The following CCSER2 variants were observed in gnomAD, a reference collection of about 807,000 sequenced individuals.
The protein encoded by CCSER2 is coiled-coil serine rich protein 2.
In CCSER2, 46 loss-of-function variants were observed where a neutral mutation model predicts 92.3. That is an observed-to-expected ratio of 0.50 (90% confidence interval 0.39 to 0.64). CCSER2 has a LOEUF of 0.64. Ranked by LOEUF, CCSER2 falls within the 30% of genes least tolerant of loss-of-function variation. The probability of loss-of-function intolerance (pLI) is 0.00; values close to 1 mark genes in which losing one functional copy is unlikely to be tolerated. For missense variants in CCSER2, 1,244 were observed against 1,238.9 expected (o/e 1.00, Z -0.06); for synonymous variants, 433 against 431.4 (o/e 1.00, Z -0.04).
chr10:84,477,612 A>G lies in CCSER2; in HGVS notation c.2273A>G (p.Glu758Gly), dbSNP rs1446273143. 5 of 1,612,080 alleles carry G rather than the reference A, an allele frequency of 3.1e-6. No individual in the cohort carries two copies. Among genetic ancestry groups the G allele is most frequent in the Non-Finnish European group, 4.2e-6 (5 of 1,178,730 alleles). Residue 758 changes from glutamate to glycine, a missense_variant, in exon 9 of 10, where the codon GAA becomes GGA. Glu to Gly is a moderately conservative substitution (Grantham distance 98). Transcript: ENST00000372088. ...ATCTGCCACCAAAAATGTAAAGAGG[A>G]AAAATGCACTTATGCTGATAAATAT... ...QHICHQKCKE[E>G]KCTYADKYTQ...
At position 84,471,843 on chromosome 10, in the gene CCSER2, G is replaced by A. The variant is rs192984512; in HGVS notation, c.2235+1385G>A. ...ATTTTTAATTTTAAAATTTTAAGTT[G>A]CTATTAATTTTGGAAAATATTCAGA... On this transcript the variant is annotated intron_variant, in intron 8 of 9. Transcript: ENST00000372088. 2.4e-3 allele frequency among the ~76,000 whole-genome samples: 360 copies of A among 151,956 alleles called. 1 individual carries two copies. Among genetic ancestry groups the A allele is most frequent in the African/African-American group, 8.3e-3 (344 of 41,498 alleles).
intron 1 of CCSER2, among the ~76,000 whole-genome samples, chr10:84,344,697 A>G (rs973896543): frequency 6.6e-6 from 1 of 152,170 alleles, no homozygotes; most frequent in African/African-American, 2.4e-5. Context: ...AGTAGTGTGC[A>G]CTTTGGTAAG....
At chr10:84,415,333 G>T (rs552830229) in intron 3 of CCSER2, among the ~76,000 whole-genome samples, 1 of 152,200 alleles carries the variant, frequency 6.6e-6, no homozygotes, top group South Asian at 2.1e-4. Context: ...GGTTTTTGTG[G>T]GGTCTTTTTT....
Position 84,346,934 on chromosome 10 carries a change from C to G in CCSER2, c.-40+18126C>G, listed in dbSNP as rs975920389. The stretch of plus-strand genomic sequence containing the variant: ...CTAGGCAGAGGACCCTGTGGCCTTC[C>G]GCAGTGTTTGTGTCCCTGGGTACTT... On this transcript the variant is annotated intron_variant, in intron 1 of 9. Coordinates refer to ENST00000372088, the MANE Select transcript of CCSER2 (RefSeq NM_001284240.2). Among the ~76,000 whole-genome samples the G allele has an allele frequency of 3.3e-5, 5 of 151,910 alleles. No individual in the cohort carries two copies. The East Asian group carries it at 9.6e-4, about 29-fold the overall frequency.
chr10:84,356,552 A>G (rs576937600), intron 1 of CCSER2, among the ~76,000 whole-genome samples: 1 of 152,308 alleles, frequency 6.6e-6, no homozygotes, highest in South Asian at 2.1e-4. Flanking sequence ...GTTTTATGCC[A>G]AAAGTTTTAA....
chr10:84,339,305 C>T (rs1477101275), intron 1 of CCSER2, among the ~76,000 whole-genome samples: 1 of 151,716 alleles, frequency 6.6e-6, no homozygotes, highest in South Asian at 2.1e-4. Flanking sequence ...TGCCCAGCCT[C>T]TCCAGGGGAT....
chr10:84,343,229 A>T (rs1844302790), intron 1 of CCSER2, among the ~76,000 whole-genome samples: 1 of 152,164 alleles, frequency 6.6e-6, no homozygotes, highest in African/African-American at 2.4e-5. Context: ...TCATGTAGTC[A>T]GCTAATTTTC....
chr10:84,494,859 G>C (rs1290577047), intron 9 of CCSER2, among the ~76,000 whole-genome samples: 1 of 152,176 alleles, frequency 6.6e-6, no homozygotes, highest in Non-Finnish European at 1.5e-5. Context: ...CCCCAAGAGA[G>C]GGTTCTTGGA....
intron 8 of CCSER2, among the ~76,000 whole-genome samples, chr10:84,473,699 AT>A (rs961267031): frequency 7.9e-5 from 12 of 152,206 alleles, no homozygotes; most frequent in East Asian, 1.9e-4. Flanking sequence ...CTATTAAAAA[AT>A]TTTTTTTAAC....
At chr10:84,438,131 A>AACTGAGAGTT (rs1357432754) in intron 5 of CCSER2, among the ~76,000 whole-genome samples, 2 of 152,236 alleles carry the variant, frequency 1.3e-5, no homozygotes, top group African/African-American at 4.8e-5. Flanking sequence ...ATGGGGCTAA[A>AACTGAGAGTT]AAAGGTGTGC....
chr10:84,332,514 C>G (rs867908877), intron 1 of CCSER2, among the ~76,000 whole-genome samples: 4 of 141,284 alleles, frequency 2.8e-5, no homozygotes, highest in South Asian at 4.6e-4. Context: ...TCTCGGCTCA[C>G]TGCAACCTCT....
At chr10:84,435,658 A>G (rs1444095476) in intron 5 of CCSER2, among the ~76,000 whole-genome samples, 1 of 128,352 alleles carries the variant, frequency 7.8e-6, no homozygotes, top group Non-Finnish European at 1.6e-5. Flanking sequence ...AAAAAAAAAC[A>G]AGAACAACAA....
chr10:84,412,511 T>A (rs1842703684), intron 3 of CCSER2, among the ~76,000 whole-genome samples: 1 of 152,118 alleles, frequency 6.6e-6, no homozygotes, highest in Admixed American at 6.5e-5. Flanking sequence ...AGTTTCTTCC[T>A]GGTTCAGTCT....
At chr10:84,402,909 A>T (rs1454659024) in intron 3 of CCSER2, among the ~76,000 whole-genome samples, 2 of 152,152 alleles carry the variant, frequency 1.3e-5, no homozygotes, top group Non-Finnish European at 2.9e-5. Context: ...ACTTAATGCA[A>T]TTTTTTCATC....
intron 1 of CCSER2, among the ~76,000 whole-genome samples, chr10:84,367,044 A>G (rs1361308095): frequency 6.6e-6 from 1 of 152,180 alleles, no homozygotes; most frequent in African/African-American, 2.4e-5. Context: ...TTGGAAGGTT[A>G]TCCAGTTATT....
intron 9 of CCSER2, among the ~76,000 whole-genome samples, chr10:84,484,026 C>T (rs1314476250): frequency 1.5e-5 from 2 of 137,444 alleles, no homozygotes. Context: ...GACGGAGTCT[C>T]GCTCTGTCGT....
At chr10:84,329,176 C>G (rs1413588555) in intron 1 of CCSER2, among the ~76,000 whole-genome samples, 1 of 152,076 alleles carries the variant, frequency 6.6e-6, no homozygotes, top group Admixed American at 6.5e-5. Flanking sequence ...CGAATGAGTT[C>G]GATTTTTTTT....
chr10:84,496,962 A>C (rs544222228), intron 9 of CCSER2, among the ~76,000 whole-genome samples: 1 of 152,300 alleles, frequency 6.6e-6, no homozygotes, highest in South Asian at 2.1e-4. Flanking sequence ...CTTTTCCTGA[A>C]ACTGGAATTC....
chr10:84,455,752 A>C (rs1238050746), intron 6 of CCSER2: 1 of 1,064,606 alleles, frequency 9.4e-7, no homozygotes, highest in African/African-American at 1.6e-5. Context: ...GCACATTCTC[A>C]GAGGGAACTT....
Sources: allele counts gnomAD v4.1 joint callset (sites outside exome capture counted in the v4.1 genomes callset), GRCh38; gene constraint gnomAD v4.1.1; transcripts MANE v1.5; gene names NCBI Gene and HGNC (gene_info 2026-07-23, HGNC 2026-07-21).